Variants in SRSF2 observed in about 807,000 individuals in gnomAD.
The protein encoded by SRSF2 is serine and arginine rich splicing factor 2, also known as serine/arginine-rich splicing factor 2.
Under a neutral mutation model 15.7 loss-of-function variants are expected in SRSF2, and 4 were observed. The observed-to-expected ratio is 0.26, with a 90% CI of 0.13 to 0.58. SRSF2 has a LOEUF of 0.58. Ranked by LOEUF, SRSF2 falls within the 20% of genes least tolerant of loss-of-function variation. The probability of loss-of-function intolerance (pLI) is 0.90; values close to 1 mark genes in which losing one functional copy is unlikely to be tolerated. For missense variants in SRSF2, 147 were observed against 332.4 expected, an observed-to-expected ratio of 0.44 and a Z score of 4.34; for synonymous variants, 192 against 138.9, an observed-to-expected ratio of 1.38 and a Z score of -2.69.
At position 76,737,210 on chromosome 17, in the gene SRSF2, G is replaced by A. The variant is rs772009476; in HGVS notation, c.-50C>T. On this transcript the variant is annotated 5_prime_UTR_variant, in exon 1 of 3. Transcript: ENST00000359995. Reference sequence around the variant, plus strand: ...CCGCGAACTGGCGCCGGCTTCCTCAGCTCTGGGCGGTGCGACGCCGCGCCT... The same window carrying A: ...CCGCGAACTGGCGCCGGCTTCCTCAACTCTGGGCGGTGCGACGCCGCGCCT... 1.7e-5 allele frequency: 25 copies of A among 1,482,482 alleles called. No individual in the cohort carries two copies. In the East Asian group the frequency reaches 5.9e-4, roughly 35 times the overall value. 91.8% of individuals were successfully genotyped at this position (1,482,482 alleles called of 1,614,324 possible).
chr17:76,737,307 A>T lies in SRSF2; in HGVS notation c.-147T>A. Reference sequence around the variant, plus strand: ...GCAGAACAGCACGGACGGGCTCCGCAGGCTAGCGCACCTGAGTAACAACTG... The same window carrying T: ...GCAGAACAGCACGGACGGGCTCCGCTGGCTAGCGCACCTGAGTAACAACTG... On this transcript the variant is annotated 5_prime_UTR_variant, in exon 1 of 3. Transcript: ENST00000359995. The T allele has an allele frequency of 8.7e-7, 1 of 1,155,642 alleles. No homozygotes were observed. Among genetic ancestry groups the T allele is most frequent in the Non-Finnish European group, 1.2e-6 (1 of 849,666 alleles). 71.6% of individuals were successfully genotyped at this position (1,155,642 alleles called of 1,614,324 possible).
rs142294903 is a variant in SRSF2, at chr17:76,736,993, G to A, written c.168C>T (p.Gly56=). The A allele has an allele frequency of 9.1e-5, 147 of 1,613,534 alleles. No homozygotes were observed. The African/African-American group carries it at 1.7e-3, about 19-fold the overall frequency. ...PRDRYTKESR[G]FAFVRFHDKR... Reference sequence around the variant, plus strand: ...TGTCGTGAAAGCGAACGAAGGCGAAGCCGCGGGACTCCTTGGTGTAGCGGT... The same window carrying A: ...TGTCGTGAAAGCGAACGAAGGCGAAACCGCGGGACTCCTTGGTGTAGCGGT... Residue 56 remains glycine, a synonymous_variant, in exon 1 of 3, where the codon GGC becomes GGT. Transcript: ENST00000359995.
rs774394478 is a variant in SRSF2, at chr17:76,737,008, G to C, written c.153C>G (p.Thr51=). Residue 51 remains threonine (T), a synonymous_variant, in exon 1 of 3, where the codon ACC becomes ACG. Transcript: ENST00000359995. ...GDVYIPRDRY[T]KESRGFAFVR... The stretch of plus-strand genomic sequence containing the variant: ...CGAAGGCGAAGCCGCGGGACTCCTT[G>C]GTGTAGCGGTCCCGCGGGATGTACA... 6.2e-7 allele frequency: 1 copy of C among 1,613,486 alleles called. No individual in the cohort carries two copies.
At chr17:76,735,963 C>T (rs1434146124) in intron 2 of SRSF2, 191 bp downstream of exon 2, 3 of 627,214 alleles carry the variant, frequency 4.8e-6, no homozygotes, top group Admixed American at 2.8e-5. Context: ...TACGAAACAG[C>T]CATTATTATC....
rs2077373784 is a variant in SRSF2, at chr17:76,734,244, C to T, written c.*922G>A. The T allele has an allele frequency of 4.5e-6, 1 of 224,232 alleles. No individual in the cohort carries two copies. The highest frequency in any genetic ancestry group is 8.9e-6 in the Non-Finnish European group (1 of 112,086). The allele number at this position is 224,232 out of a possible 1,614,324, so 13.9% of individuals were successfully genotyped here. A position where few individuals can be genotyped will look rare whatever the true frequency, so the allele number is the denominator to read the frequency against. ...CTTACAAAGTTACAACCATTTGCTT[C>T]CTTAACATTTTCCATGTTAAGTTCA... On this transcript the variant is annotated 3_prime_UTR_variant, in exon 3 of 3. Transcript: ENST00000359995.
In SRSF2 at chr17:76,736,406, G is replaced by T; in HGVS notation, c.421C>A (p.Arg141=). 6.2e-7 allele frequency: 1 copy of T among 1,613,926 alleles called. No homozygotes were observed. Among genetic ancestry groups the T allele is most frequent in the South Asian group, 1.1e-5 (1 of 91,084 alleles). ...RSRSRSRSRS[R]SRYSRSKSRS... is the part of the protein sequence containing the mutation. ...GACTTCGAGCGGCTGTAGCGAGATCGGCTGCGAGACCTGGAACGACTCCGA... is the reference window on the plus strand; with the variant it reads ...GACTTCGAGCGGCTGTAGCGAGATCTGCTGCGAGACCTGGAACGACTCCGA... Residue 141 remains arginine (R), a synonymous_variant, in exon 2 of 3, where the codon CGA becomes AGA. Transcript: ENST00000359995.
intron 1 of SRSF2, 81 bp from the exon 2 acceptor site, chr17:76,736,545 G>C: frequency 6.9e-7 from 1 of 1,448,730 alleles, no homozygotes; most frequent in Non-Finnish European, 9.2e-7. Flanking sequence ...CGCCCAGGCC[G>C]CCATTATCTC....
chr17:76,735,649 A>G (rs1414856676), intron 2 of SRSF2: 1 of 253,934 alleles, frequency 3.9e-6, no homozygotes, highest in Non-Finnish European at 7.9e-6. Flanking sequence ...CCAAATGTTC[A>G]CTGCTTCTTA....
chr17:76,737,330 C>A lies in SRSF2; in HGVS notation c.-170G>T. 1.1e-6 allele frequency: 1 copy of A among 875,308 alleles called. No homozygotes were observed. 54.2% of individuals were successfully genotyped at this position (875,308 alleles called of 1,614,324 possible). A position where few individuals can be genotyped will look rare whatever the true frequency, so the allele number is the denominator to read the frequency against. On this transcript the variant is annotated 5_prime_UTR_variant, in exon 1 of 3. Coordinates refer to ENST00000359995, the MANE Select transcript of SRSF2 (RefSeq NM_001195427.2). ...GCAGGCTAGCGCACCTGAGTAACAA[C>A]TGGGCGGGCAGCCGGCCTCTGCGCC...
In SRSF2 at chr17:76,736,786, C is replaced by A; in HGVS notation, c.362+13G>T. The A allele has an allele frequency of 6.6e-7, 1 of 1,523,292 alleles. No individual in the cohort carries two copies. Among genetic ancestry groups the A allele is most frequent in the Non-Finnish European group, 8.8e-7 (1 of 1,140,282 alleles). The allele number at this position is 1,523,292 out of a possible 1,614,324, so 94.4% of individuals were successfully genotyped here. ...CCCGCCCCGCCTCCCGCGGTCCCCTCAGCCCCGTTTACCTGCGGCTCCGGC... is the reference window on the plus strand; with the variant it reads ...CCCGCCCCGCCTCCCGCGGTCCCCTAAGCCCCGTTTACCTGCGGCTCCGGC... On this transcript the variant is annotated intron_variant, in intron 1 of 2. Transcript: ENST00000359995.
chr17:76,734,206 CATGTT>C lies in SRSF2; in HGVS notation c.*955_*959del, dbSNP rs1175887020. On this transcript the variant is annotated 3_prime_UTR_variant, in exon 3 of 3. Transcript: ENST00000359995. ...AATATTCATAAGCAAAAAGATACAC[CATGTT>C]ATAAGTACTTACAAAGTTACAACCA... The C allele has an allele frequency of 4.5e-6, 1 of 220,222 alleles. No individual in the cohort carries two copies. Among genetic ancestry groups the C allele is most frequent in the Non-Finnish European group, 9.1e-6 (1 of 109,826 alleles). The allele number at this position is 220,222 out of a possible 1,614,324, so 13.6% of individuals were successfully genotyped here.
rs1292078349 is a variant in SRSF2, at chr17:76,734,950, C to T, written c.*216G>A. On this transcript the variant is annotated 3_prime_UTR_variant, in exon 3 of 3. Coordinates refer to ENST00000359995, the MANE Select transcript of SRSF2 (RefSeq NM_001195427.2). ...ATGAAATCTGAAGTCGTTCACCTCA[C>T]TAAATTACAAGAAATTTGAATAACA... is the stretch of plus-strand genomic sequence containing the variant. The T allele has an allele frequency of 2.2e-5, 5 of 229,112 alleles. No homozygotes were observed. Among genetic ancestry groups the T allele is most frequent in the Non-Finnish European group, 2.7e-5 (3 of 112,024 alleles). 14.2% of individuals were successfully genotyped at this position (229,112 alleles called of 1,614,324 possible).
rs756005065 is a variant in SRSF2, at chr17:76,736,885, G to A, written c.276C>T (p.Tyr92=). The A allele has an allele frequency of 3.1e-6, 5 of 1,611,906 alleles. No individual in the cohort carries two copies. Among genetic ancestry groups the A allele is most frequent in the South Asian group, 2.2e-5 (2 of 91,034 alleles). The change falls in exon 1 of 3, where the codon TAC becomes TAT. Residue 92 remains tyrosine (Y), a synonymous_variant. Transcript: ENST00000359995. ...TGTGGTGTGAGTCCGGGGGGCGGCC[G>A]TAGCGCGCCATTTGCACCCGCAGCT... is the stretch of plus-strand genomic sequence containing the variant. ...GRELRVQMAR[Y]GRPPDSHHSR...
intron 1 of SRSF2, 65 bp from the exon 2 acceptor site, chr17:76,736,529 C>G: frequency 6.6e-7 from 1 of 1,523,604 alleles, no homozygotes; most frequent in Non-Finnish European, 8.8e-7. Flanking sequence ...CCCGCCCGCG[C>G]GCTCCCGCCC....
intron 1 of SRSF2, 104 bp from the exon 2 acceptor site, chr17:76,736,568 C>T: frequency 7.4e-7 from 1 of 1,354,394 alleles, no homozygotes; most frequent in Non-Finnish European, 9.8e-7. Context: ...CGCCAGACGC[C>T]ATTTCCCCAG....
chr17:76,736,516 GGCCCCGCCCGCGCGCTCCC>G (rs765186728), intron 1 of SRSF2, 52 bp from the exon 2 acceptor site: 47 of 1,558,338 alleles, frequency 3.0e-5, no homozygotes, highest in Middle Eastern at 3.5e-4. Flanking sequence ...CAGCGGGGCC[GGCCCCGCCCGCGCGCTCCC>G]GCCCAGGCCG....
upstream of SRSF2, chr17:76,737,390 C>T: frequency 1.9e-6 from 1 of 512,950 alleles, no homozygotes; most frequent in Non-Finnish European, 3.3e-6. Context: ...GGCGCCCGCG[C>T]CACCCGGAAA....
At chr17:76,736,505 G>A (rs199683955) in intron 1 of SRSF2, 41 bp from the exon 2 acceptor site, 16 of 1,590,726 alleles carry the variant, frequency 1.0e-5, no homozygotes, top group Admixed American at 5.1e-5. Context: ...TTAATTCCAG[G>A]CAGCGGGGCC....
At position 76,737,302 on chromosome 17, in the gene SRSF2, T is replaced by C. The variant is rs1259514308; in HGVS notation, c.-142A>G. ...TTGCCGCAGAACAGCACGGACGGGC[T>C]CCGCAGGCTAGCGCACCTGAGTAAC... On this transcript the variant is annotated 5_prime_UTR_variant, in exon 1 of 3. Coordinates refer to ENST00000359995, the MANE Select transcript of SRSF2 (RefSeq NM_001195427.2). 5 of 1,200,978 alleles carry C rather than the reference T, an allele frequency of 4.2e-6. No homozygotes were observed. Among genetic ancestry groups the C allele is most frequent in the Admixed American group, 2.9e-5 (1 of 34,248 alleles). The allele number at this position is 1,200,978 out of a possible 1,614,324, so 74.4% of individuals were successfully genotyped here.
Sources: gnomAD v4.1 joint callset for allele counts on GRCh38, gnomAD v4.1.1 for gene constraint, MANE v1.5 for transcripts, NCBI Gene and HGNC (gene_info 2026-07-23, HGNC 2026-07-21) for gene names.